Variants in PDE1C observed in about 807,000 individuals in gnomAD.
PDE1C encodes the protein phosphodiesterase 1C.
PDE1C carries 62 observed loss-of-function variants against 93.1 expected under a neutral mutation model. That is an observed-to-expected ratio of 0.67 (90% CI 0.54 to 0.82). The LOEUF is 0.82. Ranked by LOEUF, PDE1C falls within the 40% of genes least tolerant of loss-of-function variation. The pLI, the probability that PDE1C is intolerant of heterozygous loss-of-function variation, is 0.00. For missense variants in PDE1C, 742 were observed against 884.6 expected, an observed-to-expected ratio of 0.84 and a Z score of 2.04; for synonymous variants, 325 against 310.1, an observed-to-expected ratio of 1.05 and a Z score of -0.50.
chr7:31,906,045 G>A (rs1267407025), intron 2 of PDE1C, among the ~76,000 whole-genome samples: 1 of 152,162 alleles, frequency 6.6e-6, no homozygotes, highest in Non-Finnish European at 1.5e-5. Flanking sequence ...TGAACTGTGA[G>A]TCAATTATAC....
intron 9 of PDE1C, among the ~76,000 whole-genome samples, chr7:31,842,822 T>C (rs994161796): frequency 6.6e-6 from 1 of 152,102 alleles, no homozygotes; most frequent in African/African-American, 2.4e-5. Flanking sequence ...TCTAGCTTCC[T>C]GAAGTCATTG....
At chr7:32,296,012 T>C (rs1203036501) in intron 1 of PDE1C, among the ~76,000 whole-genome samples, 4 of 152,150 alleles carry the variant, frequency 2.6e-5, no homozygotes, top group South Asian at 4.1e-4. Flanking sequence ...AGGAAGTTGA[T>C]TTTTTAAATA....
intron 1 of PDE1C, among the ~76,000 whole-genome samples, chr7:32,377,817 T>C (rs986060944): frequency 3.3e-5 from 5 of 152,118 alleles, no homozygotes; most frequent in Non-Finnish European, 1.5e-5. Flanking sequence ...GCCACTATAC[T>C]CTATTGCCTC....
chr7:32,223,824 C>T (rs577189082), intron 1 of PDE1C, among the ~76,000 whole-genome samples: 8 of 152,306 alleles, frequency 5.3e-5, no homozygotes, highest in South Asian at 2.1e-4. Context: ...CTCCATCCTC[C>T]GTCTTGTCCT....
At chr7:32,173,258 G>A (rs969549403) in intron 2 of PDE1C, among the ~76,000 whole-genome samples, 1 of 152,042 alleles carries the variant, frequency 6.6e-6, no homozygotes, top group African/African-American at 2.4e-5. Flanking sequence ...AACTAACCCA[G>A]GAACAGAAAA....
Position 32,298,787 on chromosome 7 carries a change from T to TC in PDE1C, c.-53dup, listed in dbSNP as rs970723182. 8.5e-4 allele frequency: 1,316 copies of TC among 1,541,650 alleles called. 3 individuals carry two copies. The highest frequency in any genetic ancestry group is 1.1e-3 in the Non-Finnish European group (1,222 of 1,148,290). On this transcript the variant is annotated 5_prime_UTR_variant, in exon 1 of 19. Transcript: ENST00000396193. ...GCAGCGAGACCAGCGGCGTCTGCGG[T>TC]CCCCCCCACGGCGGAGTGAGCAGCC...
At chr7:31,814,248 G>C (rs972051376) in intron 15 of PDE1C, among the ~76,000 whole-genome samples, 6 of 152,058 alleles carry the variant, frequency 3.9e-5, no homozygotes, top group Admixed American at 1.3e-4. Flanking sequence ...AGATACCCAG[G>C]AGTGGGATTG....
chr7:31,927,432 G>A (rs1465687913), intron 2 of PDE1C, among the ~76,000 whole-genome samples: 1 of 152,200 alleles, frequency 6.6e-6, no homozygotes, highest in Non-Finnish European at 1.5e-5. Context: ...TACCAGCACA[G>A]CCCTAGAGCT....
intron 9 of PDE1C, among the ~76,000 whole-genome samples, chr7:31,839,835 G>A (rs1165122111): frequency 2.6e-5 from 4 of 152,124 alleles, no homozygotes; most frequent in African/African-American, 7.2e-5. Flanking sequence ...TCAGGAGTTC[G>A]AGACTAGCCT....
intron 16 of PDE1C, 94 bp from the exon 17 acceptor site, chr7:31,775,826 T>A: frequency 9.3e-7 from 1 of 1,074,516 alleles, no homozygotes; most frequent in Non-Finnish European, 1.4e-6. Flanking sequence ...CAAGTTGGGG[T>A]CTGAAAACAA....
chr7:31,780,446 T>C (rs770188577), intron 16 of PDE1C, among the ~76,000 whole-genome samples: 39 of 152,210 alleles, frequency 2.6e-4, no homozygotes, highest in Middle Eastern at 3.2e-3. Context: ...TTTGCCCTGG[T>C]TTGTTCCATC....
intron 2 of PDE1C, among the ~76,000 whole-genome samples, chr7:32,050,259 G>T (rs1793169168): frequency 6.6e-6 from 1 of 152,150 alleles, no homozygotes; most frequent in South Asian, 2.1e-4. Flanking sequence ...AAGATAATAT[G>T]CTTACTAAAA....
intron 1 of PDE1C, among the ~76,000 whole-genome samples, chr7:32,425,670 A>C (rs970190398): frequency 1.3e-5 from 2 of 152,188 alleles, no homozygotes; most frequent in Non-Finnish European, 2.9e-5. Flanking sequence ...GTGAAAGCAG[A>C]AGAAGAAAAA....
intron 2 of PDE1C, among the ~76,000 whole-genome samples, chr7:31,885,210 G>C (rs1797724492): frequency 6.6e-6 from 1 of 152,190 alleles, no homozygotes; most frequent in East Asian, 1.9e-4. Context: ...GGAAGATAAA[G>C]AAGTAGGAAA....
At chr7:32,031,055 C>T (rs961140171) in intron 2 of PDE1C, among the ~76,000 whole-genome samples, 4 of 152,122 alleles carry the variant, frequency 2.6e-5, no homozygotes, top group Non-Finnish European at 5.9e-5. Context: ...CTTTCTGTCT[C>T]GTGAAGATTC....
chr7:31,959,141 CA>C (rs1263135156), intron 2 of PDE1C, among the ~76,000 whole-genome samples: 5 of 152,114 alleles, frequency 3.3e-5, no homozygotes, highest in African/African-American at 4.8e-5. Context: ...TAATTGTTTA[CA>C]AAAAAATATA....
intron 2 of PDE1C, among the ~76,000 whole-genome samples, chr7:32,206,243 A>G (rs1046682314): frequency 6.6e-6 from 1 of 152,022 alleles, no homozygotes; most frequent in South Asian, 2.1e-4. Context: ...TATGCTGATA[A>G]TGGGACGGCT....
chr7:31,692,470 T>G, the PDE1C span: 24,328 of 1,611,986 alleles, frequency 0.015, 387 homozygotes, highest in Middle Eastern at 0.069. Flanking sequence ...ATGCAGCCAC[T>G]GGAACTCTCA....
At chr7:32,183,255 C>T (rs892747878) in intron 2 of PDE1C, among the ~76,000 whole-genome samples, 7 of 152,052 alleles carry the variant, frequency 4.6e-5, no homozygotes, top group Admixed American at 2.6e-4. Context: ...AATGCCATCC[C>T]CATAAAGCTA....
Sources: gnomAD v4.1 joint callset for allele counts (sites outside exome capture counted in the v4.1 genomes callset) on GRCh38, gnomAD v4.1.1 for gene constraint, MANE v1.5 for transcripts, NCBI Gene and HGNC (gene_info 2026-07-23, HGNC 2026-07-21) for gene names.